The following KDM5A variants were observed in gnomAD, a reference collection of about 807,000 sequenced individuals.
The protein encoded by KDM5A is lysine-specific demethylase 5A.
In KDM5A, 42 loss-of-function variants were observed where a neutral mutation model predicts 193.5. The ratio of observed to expected loss-of-function variants is 0.22; its 90% CI spans 0.17 to 0.28. The LOEUF is 0.28. Ranked by LOEUF, KDM5A falls within the 10% of genes least tolerant of loss-of-function variation. KDM5A has a pLI of 1.00. For missense variants in KDM5A, 1,692 were observed against 2,055.1 expected (o/e 0.82, Z 3.42); for synonymous variants, 796 against 718.1 (o/e 1.11, Z -1.73).
intron 3 of KDM5A, among the ~76,000 whole-genome samples, chr12:382,174 G>A (rs1375691911): frequency 6.6e-6 from 1 of 152,144 alleles, no homozygotes; most frequent in Non-Finnish European, 1.5e-5. Context: ...GCTCACGCCT[G>A]TAATCCCAAC....
chr12:378,634 T>C (rs1162983199), intron 3 of KDM5A, among the ~76,000 whole-genome samples: 2 of 152,202 alleles, frequency 1.3e-5, no homozygotes, highest in African/African-American at 4.8e-5. Context: ...AGGGCTAGAC[T>C]GAATGCTTCT....
chr12:286,790 G>C (rs1355347683), intron 27 of KDM5A, among the ~76,000 whole-genome samples: 1 of 152,148 alleles, frequency 6.6e-6, no homozygotes, highest in Non-Finnish European at 1.5e-5. Context: ...CACGTCAGTA[G>C]TTTTAGGCTT....
intron 26 of KDM5A, among the ~76,000 whole-genome samples, chr12:293,971 A>AAC (rs58064368): frequency 0.35 from 53,421 of 151,840 alleles, 10,062 homozygotes; most frequent in East Asian, 0.58. Context: ...ATAATATATT[A>AAC]ACAGTCTGTA....
chr12:341,585 T>G (rs976593731), intron 10 of KDM5A, among the ~76,000 whole-genome samples: 1 of 152,004 alleles, frequency 6.6e-6, no homozygotes, highest in Non-Finnish European at 1.5e-5. Flanking sequence ...TAACTAAAAA[T>G]AGCTAACACC....
At chr12:371,702 C>A (rs1466057234) in intron 3 of KDM5A, among the ~76,000 whole-genome samples, 1 of 152,114 alleles carries the variant, frequency 6.6e-6, no homozygotes, top group Non-Finnish European at 1.5e-5. Flanking sequence ...CTGAATGGTA[C>A]TGCCTAGGTT....
chr12:365,324 GATTACAGGCA>G (rs1944344685), intron 4 of KDM5A, among the ~76,000 whole-genome samples: 1 of 152,186 alleles, frequency 6.6e-6, no homozygotes, highest in Non-Finnish European at 1.5e-5. Context: ...ACAGTGCTGA[GATTACAGGCA>G]TTAGCCACCG....
At chr12:291,920 G>A (rs1021684237) in intron 27 of KDM5A, among the ~76,000 whole-genome samples, 15 of 53,246 alleles carry the variant, frequency 2.8e-4, no homozygotes, top group African/African-American at 1.1e-3. Flanking sequence ...TTTTTTTTTT[G>A]AGACAGAGTT....
chr12:325,553 GTAACCC>G (rs1322023599), intron 14 of KDM5A, among the ~76,000 whole-genome samples: 11 of 152,106 alleles, frequency 7.2e-5, no homozygotes, highest in East Asian at 3.9e-4. Context: ...GCACATGCTT[GTAACCC>G]TAACTACTCA....
chr12:287,475 T>C (rs1463168241), intron 27 of KDM5A, among the ~76,000 whole-genome samples: 2 of 151,202 alleles, frequency 1.3e-5, no homozygotes, highest in Non-Finnish European at 2.9e-5. Context: ...AATGTTCCTA[T>C]TGTAGCAAAC....
chr12:379,565 G>A (rs528158844), intron 3 of KDM5A, among the ~76,000 whole-genome samples: 1 of 152,306 alleles, frequency 6.6e-6, no homozygotes, highest in East Asian at 1.9e-4. Context: ...AACGTGAGAA[G>A]CAGCAATCTC....
rs562791097 is a variant in KDM5A, at chr12:385,980, T to C, written c.166-6A>G. 5.6e-6 allele frequency: 9 copies of C among 1,610,660 alleles called. No individual in the cohort carries two copies. Among genetic ancestry groups the C allele is most frequent in the East Asian group, 4.5e-5 (2 of 44,830 alleles). ...GCAAATGGAGGCTGCCAGTCCTAAA[T>C]AGAAAGATTTTTTTAAAAAAACACA... On this transcript the variant is annotated splice_region_variant and splice_polypyrimidine_tract_variant and intron_variant, in intron 1 of 27. Transcript: ENST00000399788.
At chr12:292,580 T>C (rs1051498190) in intron 27 of KDM5A, among the ~76,000 whole-genome samples, 179 bp downstream of exon 27, 2 of 152,252 alleles carry the variant, frequency 1.3e-5, no homozygotes, top group Non-Finnish European at 2.9e-5. Flanking sequence ...ACAACACTTC[T>C]ACTAGGCACA....
At chr12:362,868 G>T in intron 5 of KDM5A, 95 bp downstream of exon 5, 2 of 1,144,634 alleles carry the variant, frequency 1.7e-6, no homozygotes, top group Non-Finnish European at 2.6e-6. Flanking sequence ...GGAGGCAAGA[G>T]GATCACTTGA....
At chr12:325,310 T>C (rs1243987775) in intron 14 of KDM5A, among the ~76,000 whole-genome samples, 3 of 152,260 alleles carry the variant, frequency 2.0e-5, no homozygotes, top group Non-Finnish European at 2.9e-5. Flanking sequence ...GAGACACTTC[T>C]GGCTGCTTCA....
chr12:290,032 T>A (rs1943274671), intron 27 of KDM5A, among the ~76,000 whole-genome samples: 1 of 150,554 alleles, frequency 6.6e-6, no homozygotes, highest in African/African-American at 2.4e-5. Flanking sequence ...GCACATTAAC[T>A]ATAGCCTTGA....
At chr12:332,885 G>C (rs4980883) in intron 12 of KDM5A, among the ~76,000 whole-genome samples, 45,456 of 151,936 alleles carry the variant, frequency 0.3, 7,018 homozygotes, top group East Asian at 0.51. Context: ...AGATAACAAA[G>C]AATATGAGAT....
chr12:362,949 C>T lies in KDM5A; in HGVS notation c.672+14G>A, dbSNP rs1944310095. On this transcript the variant is annotated intron_variant, in intron 5 of 27. Transcript: ENST00000399788. ...CTTTATTTAAAAATTTAAAAAAGCC[C>T]AAGACATTGATACCTGAGTCTTCAC... 1 of 1,613,570 alleles carries T rather than the reference C, an allele frequency of 6.2e-7. No individual in the cohort carries two copies. The highest frequency in any genetic ancestry group is 1.1e-5 in the South Asian group (1 of 91,058).
intron 20 of KDM5A, among the ~76,000 whole-genome samples, chr12:312,442 C>A (rs1006051108): frequency 5.3e-5 from 8 of 152,040 alleles, no homozygotes; most frequent in African/African-American, 1.9e-4. Flanking sequence ...AATTTATGCA[C>A]ATGGAAAAAA....
chr12:323,111 G>T lies in KDM5A; in HGVS notation c.2246C>A (p.Ala749Glu), dbSNP rs1943739608. The T allele has an allele frequency of 6.3e-7, 1 of 1,576,554 alleles. No individual in the cohort carries two copies. The highest frequency in any genetic ancestry group is 8.6e-7 in the Non-Finnish European group (1 of 1,158,618). The change falls in exon 16 of 28, where the codon GCA (alanine) becomes GAA (glutamate). Residue 749 changes from alanine (A) to glutamate (E), a missense_variant. By Grantham distance (107) the Ala-to-Glu change is moderately radical. Transcript: ENST00000399788. Reference sequence around the variant, plus strand: ...TTTGTGGTTGAAGTTAGCAGACAATGCTTCTGTAACACGACTGACCCAAGT... The same window carrying T: ...TTTGTGGTTGAAGTTAGCAGACAATTCTTCTGTAACACGACTGACCCAAGT... ...YDTWVSRVTE[A>E]LSANFNHKKD...
Sources: allele counts gnomAD v4.1 joint callset (sites outside exome capture counted in the v4.1 genomes callset), GRCh38; gene constraint gnomAD v4.1.1; transcripts MANE v1.5; gene names NCBI Gene and HGNC (gene_info 2026-07-23, HGNC 2026-07-21).